The following CDON variants were observed in gnomAD, a reference collection of about 807,000 sequenced individuals.
CDON encodes the protein cell adhesion associated, oncogene regulated, also known as cell adhesion molecule-related/down-regulated by oncogenes.
CDON carries 73 observed loss-of-function variants against 120.9 expected under a neutral mutation model. That is an observed-to-expected ratio of 0.60 (90% CI 0.50 to 0.73). CDON has a LOEUF of 0.73. Among genes scored for constraint, CDON ranks in the 30% least tolerant of loss-of-function variants. CDON has a pLI of 0.00. For synonymous variants in CDON, 566 were observed against 573.5 expected (o/e 0.99, Z 0.19); for missense variants, 1,470 against 1,587.3 (o/e 0.93, Z 1.26).
chr11:126,042,525 T>C (rs1358675330), intron 1 of CDON, among the ~76,000 whole-genome samples: 1 of 152,360 alleles, frequency 6.6e-6, no homozygotes, highest in East Asian at 1.9e-4. Context: ...ATTGAACAAG[T>C]GGTTTATGAG....
intron 12 of CDON, 112 bp downstream of exon 12, chr11:125,997,095 T>C: frequency 1.2e-6 from 1 of 831,788 alleles, no homozygotes; most frequent in Non-Finnish European, 2.0e-6. Context: ...GCCATGATTA[T>C]GCCACTGCAC....
rs1425055030 is a variant in CDON, at chr11:125,958,132, C to G, written c.*2810G>C. 6.6e-6 allele frequency: 1 copy of G among 152,168 alleles called. No homozygotes were observed. The highest frequency in any genetic ancestry group is 1.5e-5 in the Non-Finnish European group (1 of 68,062). 9.4% of individuals were successfully genotyped at this position (152,168 alleles called of 1,614,324 possible). A position where few individuals can be genotyped will look rare whatever the true frequency, so the allele number is the denominator to read the frequency against. On this transcript the variant is annotated 3_prime_UTR_variant, in exon 20 of 20. Transcript: ENST00000531738. ...TTCTCTGGCTGCGGAGTTGGAGCCT[C>G]GGAGGAATTCCACGGCAGGGATAGA...
At chr11:126,025,531 G>GGTGTGT (rs66968762) in intron 1 of CDON, among the ~76,000 whole-genome samples, 1 of 150,532 alleles carries the variant, frequency 6.6e-6, no homozygotes, top group Non-Finnish European at 1.5e-5. Flanking sequence ...GTTTGTGGGG[G>GGTGTGT]GTGTGTGTGT....
At chr11:126,021,025 A>G (rs541285642) in intron 3 of CDON, among the ~76,000 whole-genome samples, 1 of 151,880 alleles carries the variant, frequency 6.6e-6, no homozygotes, top group African/African-American at 2.4e-5. Context: ...GCGTAACTTT[A>G]AAAAAATCAT....
chr11:125,992,399 A>G (rs1946656357), intron 14 of CDON, among the ~76,000 whole-genome samples: 1 of 152,358 alleles, frequency 6.6e-6, no homozygotes, highest in East Asian at 1.9e-4. Context: ...AAAAGTCTAC[A>G]TAACTGTACA....
chr11:126,033,291 G>A (rs961251093), intron 1 of CDON, among the ~76,000 whole-genome samples: 2 of 152,070 alleles, frequency 1.3e-5, no homozygotes, highest in African/African-American at 4.8e-5. Flanking sequence ...GATAACAAGA[G>A]GAGCTGGAGG....
rs117744242 is a variant in CDON at position 125,970,655 on chromosome 11, C to T, written c.3356+7649G>A. Reference sequence around the variant, plus strand: ...CTGCTCTGTTGGATGCTGCGATGACCGCAGCATTAGAGTGGGAGTTTCCTT... The same window carrying T: ...CTGCTCTGTTGGATGCTGCGATGACTGCAGCATTAGAGTGGGAGTTTCCTT... On this transcript the variant is annotated intron_variant, in intron 18 of 19. Transcript: ENST00000531738. Among the ~76,000 whole-genome samples, 721 of 152,272 alleles carry T rather than the reference C, an allele frequency of 4.7e-3. 5 individuals are homozygous for T. Among genetic ancestry groups the T allele is most frequent in the Non-Finnish European group, 7.6e-3 (514 of 68,020 alleles).
rs561376886 is a variant in CDON at position 125,974,644 on chromosome 11, T to C, written c.3356+3660A>G. ...AATAATCAATCTGCCAAGGATATTGTCTCCTTTGGTGTCTCATCTGTTTTT... is the reference window on the plus strand; with the variant it reads ...AATAATCAATCTGCCAAGGATATTGCCTCCTTTGGTGTCTCATCTGTTTTT... On this transcript the variant is annotated intron_variant, in intron 18 of 19. Transcript: ENST00000531738. 2.6e-5 allele frequency among the ~76,000 whole-genome samples: 4 copies of C among 152,176 alleles called. No homozygotes were observed. The East Asian group carries it at 7.7e-4, about 29-fold the overall frequency.
At chr11:126,020,232 T>A (rs75830934) in intron 3 of CDON, among the ~76,000 whole-genome samples, 2 of 152,066 alleles carry the variant, frequency 1.3e-5, no homozygotes, top group African/African-American at 4.8e-5. Flanking sequence ...TCAAGATAAA[T>A]CCTTTTCAAT....
chr11:125,997,270 G>A lies in CDON; in HGVS notation c.2299C>T (p.Leu767=). The A allele has an allele frequency of 6.2e-7, 1 of 1,614,096 alleles. No homozygotes were observed. The highest frequency in any genetic ancestry group is 8.5e-7 in the Non-Finnish European group (1 of 1,179,968). Residue 767 remains leucine (L), a synonymous_variant, in exon 12 of 20, where the codon CTG becomes TTG. Transcript: ENST00000531738. ...EYKRMRTSNW[L]VAAEDIPPSK... is the part of the protein sequence containing the mutation. ...GGAGGGATGTCTTCAGCTGCCACCA[G>A]CCAATTGCTGGTCCTCATCCGTTTA...
intron 18 of CDON, 76 bp downstream of exon 18, chr11:125,978,228 T>G: frequency 2.4e-6 from 2 of 831,612 alleles, no homozygotes; most frequent in South Asian, 2.9e-5. Context: ...CCAAGAACTT[T>G]CTTTGCTGAA....
At chr11:125,976,336 T>C (rs956339031) in intron 18 of CDON, among the ~76,000 whole-genome samples, 1 of 152,190 alleles carries the variant, frequency 6.6e-6, no homozygotes, top group Admixed American at 6.5e-5. Context: ...TGGCTAACCT[T>C]GAAGGCAATG....
chr11:125,998,286 C>T (rs1457726829), intron 11 of CDON, among the ~76,000 whole-genome samples: 1 of 152,054 alleles, frequency 6.6e-6, no homozygotes, highest in East Asian at 1.9e-4. Context: ...AAAAGTGATC[C>T]CCAATGTTGG....
intron 1 of CDON, among the ~76,000 whole-genome samples, chr11:126,060,067 T>C (rs1056141866): frequency 6.6e-6 from 1 of 152,206 alleles, no homozygotes; most frequent in Non-Finnish European, 1.5e-5. Flanking sequence ...CCCTGTGCTG[T>C]TGAAAGTGAG....
At chr11:125,966,328 A>G (rs1945799336) in intron 18 of CDON, among the ~76,000 whole-genome samples, 1 of 152,190 alleles carries the variant, frequency 6.6e-6, no homozygotes, top group Admixed American at 6.5e-5. Flanking sequence ...AAATTCTGAA[A>G]TTAACAGTAA....
chr11:126,005,318 A>C (rs1947085747), intron 9 of CDON: 1 of 25,474 alleles, frequency 3.9e-5, no homozygotes, highest in Non-Finnish European at 9.4e-5. Flanking sequence ...AAAAAAAAAA[A>C]CAAACAAACA....
chr11:125,970,734 G>C (rs1945958066), intron 18 of CDON, among the ~76,000 whole-genome samples: 1 of 152,148 alleles, frequency 6.6e-6, no homozygotes. Context: ...TAAATGTTGA[G>C]TGACAACAAA....
chr11:126,004,421 A>C, intron 9 of CDON: 1 of 311,186 alleles, frequency 3.2e-6, no homozygotes, highest in Non-Finnish European at 6.2e-6. Context: ...ATAAGTATAA[A>C]ATAATAGGTA....
rs564691494 is a variant in CDON, at chr11:125,987,658, A to G, written c.2773+1979T>C. Among the ~76,000 whole-genome samples, 21 of 152,340 alleles carry G rather than the reference A, an allele frequency of 1.4e-4. No homozygotes were observed. In the East Asian group the frequency reaches 2.3e-3, roughly 17 times the overall value. ...GTAATCACAGCTATACTATTATACT[A>G]TTATAAATAACAGTTATAATGTTTT... On this transcript the variant is annotated intron_variant, in intron 15 of 19. Coordinates refer to ENST00000531738, the MANE Select transcript of CDON (RefSeq NM_001378964.1).
Sources: allele counts gnomAD v4.1 joint callset (sites outside exome capture counted in the v4.1 genomes callset), GRCh38; gene constraint gnomAD v4.1.1; transcripts MANE v1.5; gene names NCBI Gene and HGNC (gene_info 2026-07-23, HGNC 2026-07-21).